The following PRR14L variants were observed in gnomAD, a reference collection of about 807,000 sequenced individuals.
The protein encoded by PRR14L is proline rich 14 like, also known as protein PRR14L.
PRR14L carries 80 observed loss-of-function variants against 155.0 expected under a neutral mutation model. The observed-to-expected ratio is 0.52, with a 90% CI of 0.43 to 0.62. PRR14L has a LOEUF of 0.62. Among genes scored for constraint, PRR14L ranks in the 20% least tolerant of loss-of-function variants. The pLI is 0.00. For missense variants in PRR14L, 2,469 were observed against 2,548.0 expected (o/e 0.97, Z 0.67); for synonymous variants, 883 against 916.0 (o/e 0.96, Z 0.65).
At chr22:31,722,167 C>A (rs987342461) in intron 3 of PRR14L, among the ~76,000 whole-genome samples, 1 of 152,040 alleles carries the variant, frequency 6.6e-6, no homozygotes, top group Admixed American at 6.6e-5. Context: ...CGGTGGCTCA[C>A]ACTTGTAATC....
chr22:31,718,657 T>G (rs2147866585), intron 3 of PRR14L, among the ~76,000 whole-genome samples: 1 of 152,170 alleles, frequency 6.6e-6, no homozygotes, highest in African/African-American at 2.4e-5. Context: ...TTAGTTCTGT[T>G]CCCCTAAGAG....
At chr22:31,747,818 AAAAAAC>A (rs1165003940) in intron 1 of PRR14L, among the ~76,000 whole-genome samples, 1 of 151,720 alleles carries the variant, frequency 6.6e-6, no homozygotes, top group Non-Finnish European at 1.5e-5. Flanking sequence ...CAAAAAAAAA[AAAAAAC>A]AAAAACAGGA....
At chr22:31,725,949 G>A (rs2074714395) in intron 2 of PRR14L, among the ~76,000 whole-genome samples, 1 of 151,924 alleles carries the variant, frequency 6.6e-6, no homozygotes, top group Non-Finnish European at 1.5e-5. Flanking sequence ...GATTACAGGC[G>A]TGAGCCACCA....
chr22:31,718,116 C>T (rs1213852563), intron 3 of PRR14L, among the ~76,000 whole-genome samples: 4 of 151,730 alleles, frequency 2.6e-5, no homozygotes, highest in South Asian at 2.1e-4. Flanking sequence ...TTAGTAGAGA[C>T]GGAGTTTCAC....
At position 31,713,270 on chromosome 22, in the gene PRR14L, A is replaced by G; in HGVS notation, c.4569T>C (p.His1523=). The change falls in exon 4 of 9, where the codon CAT becomes CAC. Residue 1523 remains histidine (H), a synonymous_variant. Transcript: ENST00000327423. The part of the protein sequence containing the change: ...KGVLPLKKQP[H]RTCKKVSYQE... ...GATAGGAAACTTTCTTACAAGTTCGATGGGGCTGCTTCTTTAAGGGAAGAA... is the reference window on the plus strand; with the variant it reads ...GATAGGAAACTTTCTTACAAGTTCGGTGGGGCTGCTTCTTTAAGGGAAGAA... The G allele has an allele frequency of 6.4e-7, 1 of 1,552,218 alleles. No homozygotes were observed. Among genetic ancestry groups the G allele is most frequent in the South Asian group, 1.2e-5 (1 of 84,060 alleles).
chr22:31,700,411 A>G (rs2074557214), intron 7 of PRR14L, among the ~76,000 whole-genome samples: 1 of 152,260 alleles, frequency 6.6e-6, no homozygotes, highest in South Asian at 2.1e-4. Flanking sequence ...CAAAAGAAAC[A>G]TAAGACAAAA....
intron 2 of PRR14L, among the ~76,000 whole-genome samples, chr22:31,726,231 A>G (rs1159909313): frequency 6.6e-6 from 1 of 151,860 alleles, no homozygotes; most frequent in East Asian, 2.0e-4. Context: ...CATGGGTTCA[A>G]GCAATTCTCC....
chr22:31,742,554 A>G (rs1403748270), intron 1 of PRR14L, among the ~76,000 whole-genome samples: 1 of 152,014 alleles, frequency 6.6e-6, no homozygotes, highest in Admixed American at 6.6e-5. Context: ...TTTAGTAGAG[A>G]CGGGGTTTCA....
At position 31,715,850 on chromosome 22, in the gene PRR14L, A is replaced by C; in HGVS notation, c.1989T>G (p.His663Gln). ...NQQVSLNSQE[H>Q]ANLPTDSLLH... ...GTAGAGAGTCAGTTGGCAAATTTGC[A>C]TGTTCTTGAGAATTAAGGGACACTT... The change falls in exon 4 of 9, where the codon CAT becomes CAG. Residue 663 changes from histidine (H) to glutamine (Q), a missense_variant. By Grantham distance (24) the His-to-Gln change is conservative. Around this residue, in one of 2 missense-constraint regions of PRR14L, gnomAD observed 2,363 missense variants for 2,371.6 expected, o/e 1.00. Transcript: ENST00000327423. 6 of 1,551,598 alleles carry C rather than the reference A, an allele frequency of 3.9e-6. No homozygotes were observed. The African/African-American group carries it at 6.8e-5, about 18-fold the overall frequency.
chr22:31,714,186 G>A lies in PRR14L; in HGVS notation c.3653C>T (p.Ser1218Leu), dbSNP rs1206649237. 6.4e-7 allele frequency: 1 copy of A among 1,551,536 alleles called. No individual in the cohort carries two copies. The highest frequency in any genetic ancestry group is 8.7e-7 in the Non-Finnish European group (1 of 1,146,936). The change falls in exon 4 of 9, where the codon TCA becomes TTA. Residue 1218 changes from serine (S) to leucine (L), a missense_variant. This residue lies in a region of PRR14L where 2,363 missense variants were observed against 2,371.6 expected (regional missense o/e 1.00). Coordinates refer to ENST00000327423, the MANE Select transcript of PRR14L (RefSeq NM_173566.3). The stretch of plus-strand genomic sequence containing the variant: ...ATCATGGCAAGACATCGACTCTTTT[G>A]AGGAAATTCCAAAGGTACTTTCTTT... ...FGKESTFGIS[S>L]KESMSCHDES...
In PRR14L at chr22:31,712,926, C is replaced by T. The variant is rs745490244; in HGVS notation, c.4913G>A (p.Arg1638Gln). ...TGGAAGAAGTTCAGAGGAACACCGT[C>T]GGTATCTTAGCTTCTGAGTCTTCAT... Reference protein sequence around the residue: ...PAMKTQKLRYRRCSSELLPMA... With the variant: ...PAMKTQKLRYQRCSSELLPMA... The change falls in exon 4 of 9, where the codon CGA becomes CAA. Residue 1638 changes from arginine (R) to glutamine (Q), a missense_variant. Transcript: ENST00000327423. 81 of 1,551,688 alleles carry T rather than the reference C, an allele frequency of 5.2e-5. No individual in the cohort carries two copies. The East Asian group carries it at 1.6e-3, about 31-fold the overall frequency.
intron 3 of PRR14L, among the ~76,000 whole-genome samples, chr22:31,724,894 G>C (rs1193754323): frequency 6.6e-6 from 1 of 152,188 alleles, no homozygotes; most frequent in African/African-American, 2.4e-5. Context: ...GGAGCAAAAA[G>C]AGGTAATCAA....
intron 7 of PRR14L, among the ~76,000 whole-genome samples, chr22:31,690,679 T>A (rs1045761806): frequency 1.3e-5 from 2 of 151,694 alleles, no homozygotes; most frequent in Non-Finnish European, 2.9e-5. Context: ...TCTTGCTCTG[T>A]CGCCCAGGCT....
Position 31,713,326 on chromosome 22 carries a change from G to C in PRR14L, c.4513C>G (p.Gln1505Glu). 4 of 1,552,270 alleles carry C rather than the reference G, an allele frequency of 2.6e-6. No individual in the cohort carries two copies. The highest frequency in any genetic ancestry group is 3.5e-6 in the Non-Finnish European group (4 of 1,147,124). ...AQDPSSAGCDQIHGAFAKKGV... is the reference protein window; with the variant it reads ...AQDPSSAGCDEIHGAFAKKGV... ...TTCTTCGCAAAGGCACCATGTATTT[G>C]ATCACACCCAGCAGAGGAGGGGTCT... Residue 1505 changes from glutamine to glutamate, a missense_variant, in exon 4 of 9, where the codon CAA (glutamine) becomes GAA (glutamate). Gln to Glu is a conservative substitution (Grantham distance 29, BLOSUM62 2). Transcript: ENST00000327423.
chr22:31,739,136 C>T (rs191841359), intron 1 of PRR14L, among the ~76,000 whole-genome samples: 148 of 152,314 alleles, frequency 9.7e-4, no homozygotes, highest in Non-Finnish European at 1.5e-3. Context: ...AATTCAAATA[C>T]TGCCTTATGA....
intron 8 of PRR14L, among the ~76,000 whole-genome samples, chr22:31,686,323 T>C (rs1414905936): frequency 2.0e-5 from 3 of 150,974 alleles, no homozygotes; most frequent in Non-Finnish European, 4.4e-5. Flanking sequence ...TTAGCCAGGA[T>C]GGTCTTGATC....
At chr22:31,687,766 G>A (rs961708866) in intron 8 of PRR14L, among the ~76,000 whole-genome samples, 12 of 151,404 alleles carry the variant, frequency 7.9e-5, no homozygotes, top group Middle Eastern at 3.2e-3. Flanking sequence ...AATATTGGCC[G>A]GGCGCGGTGG....
chr22:31,686,010 CT>C (rs1210126938), intron 8 of PRR14L, among the ~76,000 whole-genome samples: 1 of 152,144 alleles, frequency 6.6e-6, no homozygotes. Flanking sequence ...TCTTGGCTCA[CT>C]GCAACCTCTG....
At chr22:31,702,840 T>C (rs889941465) in intron 6 of PRR14L, among the ~76,000 whole-genome samples, 1 of 128,850 alleles carries the variant, frequency 7.8e-6, no homozygotes, top group Non-Finnish European at 1.6e-5. Context: ...TAAGATGGGG[T>C]TTCACTCTGT....
Sources: allele counts gnomAD v4.1 joint callset (sites outside exome capture counted in the v4.1 genomes callset), GRCh38; gene constraint gnomAD v4.1.1; regional missense constraint gnomAD v4.1.1; transcripts MANE v1.5; gene names NCBI Gene and HGNC (gene_info 2026-07-23, HGNC 2026-07-21).